The following VPS16 variants were observed in gnomAD, a reference collection of about 807,000 sequenced individuals.
VPS16 encodes VPS16 core subunit of CORVET and HOPS complexes.
In VPS16, 82 loss-of-function variants were observed where a neutral mutation model predicts 116.0. That is an observed-to-expected ratio of 0.71 (90% CI 0.59 to 0.85). The LOEUF (loss-of-function observed/expected upper bound fraction) is 0.85, where lower values mean the gene tolerates loss of function less well. VPS16 is among the 40% of genes least tolerant of loss of function. The probability of loss-of-function intolerance (pLI) is 0.00; values close to 1 mark genes in which losing one functional copy is unlikely to be tolerated. For missense variants in VPS16, 928 were observed against 1,090.6 expected (o/e 0.85, Z 2.10); for synonymous variants, 406 against 420.7 (o/e 0.96, Z 0.43).
chr20:2,840,916 A>G (rs1180249739), intron 1 of VPS16, 89 bp downstream of exon 1: 2 of 1,315,320 alleles, frequency 1.5e-6, no homozygotes, highest in Admixed American at 2.2e-5. Flanking sequence ...CCCTGTCACT[A>G]CTGGCGCTGG....
chr20:2,850,965 CAAAAAAAA>C (rs57731229), intron 1 of VPS16, among the ~76,000 whole-genome samples: 11 of 91,448 alleles, frequency 1.2e-4, no homozygotes, highest in Admixed American at 5.5e-4. Flanking sequence ...GTAAGACTGT[CAAAAAAAA>C]AAAAAAAAAA....
Position 2,864,200 on chromosome 20 carries a change from T to C in VPS16, c.1633T>C (p.Ser545Pro). 2 of 1,614,176 alleles carry C rather than the reference T, an allele frequency of 1.2e-6. No homozygotes were observed. The highest frequency in any genetic ancestry group is 8.5e-7 in the Non-Finnish European group (1 of 1,180,034). The change falls in exon 17 of 24, where the codon TCA becomes CCA. Residue 545 changes from serine to proline, a missense_variant. Transcript: ENST00000380445. This position sits in a 1 kb window ranked among gnomAD's most constrained non-coding sequence, Gnocchi z 5.2. ...ACAGCTGCTGGAGTATGAGCCACGC[T>C]CAGGGGAGCAGGTACCCCTTCTCCT... The part of the protein sequence containing the change: ...AIKLLEYEPR[S>P]GEQVPLLLKM...
At position 2,862,060 on chromosome 20, in the gene VPS16, G is replaced by C. The variant is rs758134986; in HGVS notation, c.1001G>C (p.Ser334Thr). Residue 334 changes from serine to threonine, a missense_variant, in exon 11 of 24, where the codon AGC becomes ACC. Transcript: ENST00000380445. ...CACCAACTCCCTTCCCCAGCGGCCAGCGAGGAAATCTTCAAAATTGCCTCA... is the reference window on the plus strand; with the variant it reads ...CACCAACTCCCTTCCCCAGCGGCCACCGAGGAAATCTTCAAAATTGCCTCA... ...HEFLHEVPAA[S>T]EEIFKIASMA... 2 of 1,613,760 alleles carry C rather than the reference G, an allele frequency of 1.2e-6. No individual in the cohort carries two copies. The highest frequency in any genetic ancestry group is 3.3e-5 in the Admixed American group (2 of 59,964).
At chr20:2,856,076 C>T (rs1317041650) in intron 1 of VPS16, among the ~76,000 whole-genome samples, 1 of 152,138 alleles carries the variant, frequency 6.6e-6, no homozygotes, top group Non-Finnish European at 1.5e-5. Context: ...TAAGGTTAGT[C>T]GTTTCTAGCT....
chr20:2,848,427 GGTT>G (rs2146647854), intron 1 of VPS16, among the ~76,000 whole-genome samples: 1 of 152,148 alleles, frequency 6.6e-6, no homozygotes, highest in South Asian at 2.1e-4. Context: ...ATTTTTGTAA[GGTT>G]GTTATCAGGT....
intron 1 of VPS16, 55 bp from the exon 2 acceptor site, chr20:2,859,664 C>G: frequency 6.3e-7 from 1 of 1,582,896 alleles, no homozygotes; most frequent in Non-Finnish European, 8.7e-7. Context: ...CTGGGGTTCA[C>G]TCCATACGGA....
chr20:2,854,734 T>G (rs1471864002), intron 1 of VPS16, among the ~76,000 whole-genome samples: 3 of 148,824 alleles, frequency 2.0e-5, no homozygotes, highest in Non-Finnish European at 4.4e-5. Context: ...AGGTGGAGGT[T>G]GCGTTGAGCT....
At chr20:2,855,273 T>A (rs1476932450) in intron 1 of VPS16, among the ~76,000 whole-genome samples, 1 of 137,750 alleles carries the variant, frequency 7.3e-6, no homozygotes, top group Non-Finnish European at 1.5e-5. Flanking sequence ...GCAGTAATGT[T>A]TTTAAAGGAA....
chr20:2,854,036 A>G (rs932780307), intron 1 of VPS16, among the ~76,000 whole-genome samples: 8 of 152,092 alleles, frequency 5.3e-5, no homozygotes, highest in African/African-American at 1.4e-4. Flanking sequence ...AGATTGCACC[A>G]CTGAAAACCT....
chr20:2,855,048 C>T (rs1174020175), intron 1 of VPS16, among the ~76,000 whole-genome samples: 1 of 149,182 alleles, frequency 6.7e-6, no homozygotes, highest in Non-Finnish European at 1.5e-5. Context: ...GCAACCTCCG[C>T]CTCCTGGGTT....
At chr20:2,847,154 C>T (rs539781898) in intron 1 of VPS16, among the ~76,000 whole-genome samples, 3 of 152,344 alleles carry the variant, frequency 2.0e-5, no homozygotes, top group Middle Eastern at 3.4e-3. Context: ...GTGGTCCATA[C>T]GTTATTGCTC....
rs1423112533 is a variant in VPS16 at position 2,863,834 on chromosome 20, A to AAAGG, written c.1477-112_1477-111insGAAG. Reference sequence around the variant, plus strand: ...AGAAAGAAGAAAGAGAGAAAGAAAGAAAGAAGAAGGAAGGGAGGGAGGAAG... The same window carrying AAAGG: ...AGAAAGAAGAAAGAGAGAAAGAAAGAAAGGAAGAAGAAGGAAGGGAGGGAGGAAG... On this transcript the variant is annotated intron_variant, in intron 15 of 23. Coordinates refer to ENST00000380445, the MANE Select transcript of VPS16 (RefSeq NM_022575.4). The surrounding 1 kb of genome is among the most constrained non-coding windows in gnomAD (Gnocchi z 4.4). The AAAGG allele has an allele frequency of 3.5e-5, 50 of 1,409,434 alleles. 1 individual carries two copies. The East Asian group carries it at 1.1e-3, about 31-fold the overall frequency. The allele number at this position is 1,409,434 out of a possible 1,614,324, so 87.3% of individuals were successfully genotyped here. A position where few individuals can be genotyped will look rare whatever the true frequency, so the allele number is the denominator to read the frequency against.
intron 1 of VPS16, among the ~76,000 whole-genome samples, chr20:2,859,026 C>T (rs1034325717): frequency 6.6e-6 from 1 of 152,164 alleles, no homozygotes; most frequent in African/African-American, 2.4e-5. Context: ...AGGCCAGGCA[C>T]TGCAGGTCAC....
Position 2,860,769 on chromosome 20 carries a change from G to T in VPS16, c.536G>T (p.Cys179Phe), listed in dbSNP as rs1272943893. 6.2e-7 allele frequency: 1 copy of T among 1,613,864 alleles called. No individual in the cohort carries two copies. Among genetic ancestry groups the T allele is most frequent in the East Asian group, 2.2e-5 (1 of 44,892 alleles). Reference protein sequence around the residue: ...EVPGLQSAPSCWTVLCQDRVA... With the variant: ...EVPGLQSAPSFWTVLCQDRVA... ...ATAGGTCTGCAAAGTGCACCCTCCT[G>T]CTGGACTGTGCTGTGCCAGGACCGA... Residue 179 changes from cysteine (C) to phenylalanine (F), a missense_variant, in exon 6 of 24, where the codon TGC becomes TTC. By Grantham distance (205) the Cys-to-Phe change is radical. Coordinates refer to ENST00000380445, the MANE Select transcript of VPS16 (RefSeq NM_022575.4). The surrounding 1 kb of genome is among the most constrained non-coding windows in gnomAD (Gnocchi z 6.1).
At position 2,864,568 on chromosome 20, in the gene VPS16, G is replaced by A. The variant is rs61729230; in HGVS notation, c.1840G>A (p.Glu614Lys). 5,428 of 1,614,194 alleles carry A rather than the reference G, an allele frequency of 3.4e-3. 11 individuals carry two copies. The highest frequency in any genetic ancestry group is 3.6e-3 in the Non-Finnish European group (4,282 of 1,180,036). The stretch of plus-strand genomic sequence containing the variant: ...CCAGTTCTGTAAGCATCAGGAGCTA[G>A]AGACGCTGAAGGACCTTTACAATCA... ...YRQFCKHQEL[E>K]TLKDLYNQDD... The change falls in exon 19 of 24, where the codon GAG becomes AAG. Residue 614 changes from glutamate (E) to lysine (K), a missense_variant. By Grantham distance (56) the Glu-to-Lys change is moderately conservative. Coordinates refer to ENST00000380445, the MANE Select transcript of VPS16 (RefSeq NM_022575.4). This position sits in a 1 kb window ranked among gnomAD's most constrained non-coding sequence, Gnocchi z 5.2.
intron 1 of VPS16, among the ~76,000 whole-genome samples, chr20:2,853,719 C>T (rs1338141127): frequency 6.6e-6 from 1 of 152,056 alleles, no homozygotes. Context: ...GTCACCCAGG[C>T]TGGAGTGCAG....
At chr20:2,855,118 G>C (rs1854475) in intron 1 of VPS16, among the ~76,000 whole-genome samples, 76,993 of 151,026 alleles carry the variant, frequency 0.51, 22,332 homozygotes, top group African/African-American at 0.78. Context: ...ACTCCACCAT[G>C]CCCGGCTAAT....
At chr20:2,856,980 C>CTT (rs3053469) in intron 1 of VPS16, among the ~76,000 whole-genome samples, 4 of 142,094 alleles carry the variant, frequency 2.8e-5, no homozygotes, top group Non-Finnish European at 6.2e-5. Flanking sequence ...TTTTCTTTTT[C>CTT]TTTTTTTTTT....
rs969564393 is a variant in VPS16, at chr20:2,863,538, G to A, written c.1476+140G>A. The A allele has an allele frequency of 9.9e-6, 8 of 811,546 alleles. No homozygotes were observed. The highest frequency in any genetic ancestry group is 3.4e-5 in the African/African-American group (2 of 58,458). The allele number at this position is 811,546 out of a possible 1,614,324, so 50.3% of individuals were successfully genotyped here. On this transcript the variant is annotated intron_variant, in intron 15 of 23. Transcript: ENST00000380445. The surrounding 1 kb of genome is among the most constrained non-coding windows in gnomAD (Gnocchi z 4.4). ...AACACTTTGGGAGGCTGAGGCGGGC[G>A]AATCACCTGAGGTCAGGTATTCGAG...
Sources: allele counts gnomAD v4.1 joint callset (sites outside exome capture counted in the v4.1 genomes callset), GRCh38; gene constraint gnomAD v4.1.1; non-coding constraint Gnocchi (gnomAD v3.1); transcripts MANE v1.5; gene names NCBI Gene and HGNC (gene_info 2026-07-23, HGNC 2026-07-21).